The following TRERF1 variants were observed in gnomAD, a reference collection of about 807,000 sequenced individuals.
TRERF1 encodes the protein transcriptional-regulating factor 1.
A neutral mutation model predicts 122.9 loss-of-function variants in TRERF1; 27 were observed. That is an observed-to-expected ratio of 0.22 (90% CI 0.16 to 0.30). The LOEUF is 0.30. Among genes scored for constraint, TRERF1 ranks in the 10% least tolerant of loss-of-function variants. TRERF1 has a pLI of 1.00. For missense variants in TRERF1, 1,248 were observed against 1,560.3 expected, an observed-to-expected ratio of 0.80 and a Z score of 3.37; for synonymous variants, 636 against 641.7, an observed-to-expected ratio of 0.99 and a Z score of 0.13.
intron 2 of TRERF1, among the ~76,000 whole-genome samples, chr6:42,433,168 C>T (rs1400260300): frequency 6.6e-6 from 1 of 152,092 alleles, no homozygotes. Context: ...ACTTGCTAAT[C>T]TGGTGCAAGG....
intron 2 of TRERF1, among the ~76,000 whole-genome samples, chr6:42,414,802 T>C (rs1781600271): frequency 6.6e-6 from 1 of 152,232 alleles, no homozygotes; most frequent in East Asian, 1.9e-4. Flanking sequence ...ACAACCCAGG[T>C]TTTATTTAGC....
At chr6:42,371,511 C>T (rs1248131676) in intron 2 of TRERF1, among the ~76,000 whole-genome samples, 1 of 152,146 alleles carries the variant, frequency 6.6e-6, no homozygotes, top group African/African-American at 2.4e-5. Flanking sequence ...TTCCCGAGGC[C>T]AAGAGACCTG....
rs765244571 is a variant in TRERF1 at position 42,268,715 on chromosome 6, C to T, written c.876G>A (p.Pro292=). The change falls in exon 5 of 18, where the codon CCG becomes CCA. Residue 292 remains proline (P), a synonymous_variant. Coordinates refer to ENST00000372922, the Ensembl canonical transcript of TRERF1. The surrounding 1 kb of genome is among the most constrained non-coding windows in gnomAD (Gnocchi z 4.4). ...GTGGCTGTGATGGGCGAATTTGTTGCGGCTGCGTCTGTATTTCTTGCATGG... is the reference window on the plus strand; with the variant it reads ...GTGGCTGTGATGGGCGAATTTGTTGTGGCTGCGTCTGTATTTCTTGCATGG... 6.8e-6 allele frequency: 11 copies of T among 1,614,006 alleles called. No individual in the cohort carries two copies. The highest frequency in any genetic ancestry group is 2.2e-5 in the South Asian group (2 of 91,080).
At chr6:42,367,214 C>G (rs979241927) in intron 2 of TRERF1, among the ~76,000 whole-genome samples, 1 of 152,148 alleles carries the variant, frequency 6.6e-6, no homozygotes, top group Admixed American at 6.5e-5. Flanking sequence ...CTCCCCTCCC[C>G]CTTTCCAGCC....
At chr6:42,280,145 C>T (rs1425859073) in intron 4 of TRERF1, among the ~76,000 whole-genome samples, 2 of 152,096 alleles carry the variant, frequency 1.3e-5, no homozygotes, top group African/African-American at 4.8e-5. Flanking sequence ...CTGGGCAATG[C>T]CACGGTCCCA....
chr6:42,232,563 G>A lies in TRERF1; in HGVS notation c.3278+118C>T. 1 of 1,326,372 alleles carries A rather than the reference G, an allele frequency of 7.5e-7. No individual in the cohort carries two copies. Among genetic ancestry groups the A allele is most frequent in the Non-Finnish European group, 1.0e-6 (1 of 991,990 alleles). The allele number at this position is 1,326,372 out of a possible 1,614,324, so 82.2% of individuals were successfully genotyped here. A position where few individuals can be genotyped will look rare whatever the true frequency, so the allele number is the denominator to read the frequency against. On this transcript the variant is annotated intron_variant, in intron 17 of 17. Transcript: ENST00000372922. The surrounding 1 kb of genome is among the most constrained non-coding windows in gnomAD (Gnocchi z 4.5). ...CATCCCAAAGATGACACGAAGAAGA[G>A]TTTTGAGGTCTAAGTTCTTTTTTCT...
At chr6:42,257,990 G>A (rs1244530890) in intron 10 of TRERF1, 145 bp downstream of exon 10, 3 of 665,904 alleles carry the variant, frequency 4.5e-6, no homozygotes, top group Non-Finnish European at 7.5e-6. Context: ...CATTGTGCAG[G>A]GAAACAACAG....
intron 2 of TRERF1, among the ~76,000 whole-genome samples, chr6:42,438,442 G>A (rs113761470): frequency 0.053 from 7,996 of 150,514 alleles, 431 homozygotes; most frequent in African/African-American, 0.14. Context: ...AATCCCCACC[G>A]CTACTAAAAA....
At chr6:42,423,248 A>T (rs926060353) in intron 2 of TRERF1, among the ~76,000 whole-genome samples, 1 of 152,244 alleles carries the variant, frequency 6.6e-6, no homozygotes, top group Non-Finnish European at 1.5e-5. Flanking sequence ...TGGTTCTCTC[A>T]TACAAACATG....
At chr6:42,432,010 G>C (rs1357229554) in intron 2 of TRERF1, among the ~76,000 whole-genome samples, 1 of 152,202 alleles carries the variant, frequency 6.6e-6, no homozygotes, top group East Asian at 1.9e-4. Flanking sequence ...TAGTATAGCA[G>C]TTAACAGTAC....
At chr6:42,314,661 G>A (rs1263208218) in intron 3 of TRERF1, among the ~76,000 whole-genome samples, 2 of 152,188 alleles carry the variant, frequency 1.3e-5, no homozygotes, top group East Asian at 3.8e-4. Context: ...AAACAAAGTA[G>A]GAAATAGTCA....
intron 2 of TRERF1, among the ~76,000 whole-genome samples, chr6:42,382,310 C>G (rs1776080934): frequency 6.6e-6 from 1 of 151,790 alleles, no homozygotes; most frequent in African/African-American, 2.4e-5. Flanking sequence ...ATCAATGACC[C>G]TTTCAGACCC....
chr6:42,240,704 G>C (rs1221774782), intron 15 of TRERF1, among the ~76,000 whole-genome samples: 2 of 152,124 alleles, frequency 1.3e-5, no homozygotes, highest in Non-Finnish European at 2.9e-5. Context: ...TGGGGTTCAT[G>C]GTGTATTTCC....
At chr6:42,406,546 A>G (rs1441127478) in intron 2 of TRERF1, among the ~76,000 whole-genome samples, 2 of 152,152 alleles carry the variant, frequency 1.3e-5, no homozygotes, top group Non-Finnish European at 2.9e-5. Flanking sequence ...GGCTCCAATG[A>G]GTTAACAGAC....
rs551482427 is a variant in TRERF1, at chr6:42,285,622, T to A, written c.-259+15016A>T. On this transcript the variant is annotated intron_variant, in intron 4 of 17. Transcript: ENST00000372922. The stretch of plus-strand genomic sequence containing the variant: ...CAGTATGATATTGGCTGTGGGTTTG[T>A]CATAGATAGCTCTTATTATTTTGAA... Among the ~76,000 whole-genome samples the A allele has an allele frequency of 1.1e-4, 17 of 150,598 alleles. 1 individual carries two copies. In the South Asian group the frequency reaches 3.4e-3, roughly 30 times the overall value.
exon 7 of TRERF1, chr6:42,264,822 A>G: frequency 2.5e-6 from 4 of 1,614,172 alleles, no homozygotes; most frequent in Non-Finnish European, 3.4e-6. Flanking sequence ...CTTGGCATCA[A>G]ACTGCTCCCC....
At chr6:42,251,668 A>G (rs1442827072) in intron 13 of TRERF1, among the ~76,000 whole-genome samples, 1 of 152,188 alleles carries the variant, frequency 6.6e-6, no homozygotes, top group Non-Finnish European at 1.5e-5. Context: ...GCTTCTTGCA[A>G]ATTACTCTCT....
chr6:42,403,390 G>T (rs547815137), intron 2 of TRERF1, among the ~76,000 whole-genome samples: 1 of 151,902 alleles, frequency 6.6e-6, no homozygotes, highest in African/African-American at 2.4e-5. Flanking sequence ...AGAAAATAGC[G>T]ACACACACAT....
intron 2 of TRERF1, among the ~76,000 whole-genome samples, chr6:42,387,758 C>T (rs111720716): frequency 6.6e-6 from 1 of 151,070 alleles, no homozygotes; most frequent in East Asian, 1.9e-4. Flanking sequence ...ACATTTCCCA[C>T]AAGAATTTTT....
Sources: allele counts gnomAD v4.1 joint callset (sites outside exome capture counted in the v4.1 genomes callset), GRCh38; gene constraint gnomAD v4.1.1; non-coding constraint Gnocchi (gnomAD v3.1); transcripts MANE v1.5; gene names NCBI Gene and HGNC (gene_info 2026-07-23, HGNC 2026-07-21).